The following MUC13 variants were observed in gnomAD, a reference collection of about 807,000 sequenced individuals.
The protein encoded by MUC13 is mucin-13.
A neutral mutation model predicts 48.3 loss-of-function variants in MUC13; 32 were observed. The observed-to-expected ratio is 0.66, with a 90% CI of 0.50 to 0.89. The LOEUF is 0.89. Among genes scored for constraint, MUC13 ranks in the 40% least tolerant of loss-of-function variants. MUC13 has a pLI of 0.00. For synonymous variants in MUC13, 199 were observed against 224.9 expected, an observed-to-expected ratio of 0.88 and a Z score of 1.03; for missense variants, 571 against 622.8, an observed-to-expected ratio of 0.92 and a Z score of 0.88.
chr3:124,913,645 G>A lies in MUC13; in HGVS notation c.1001C>T (p.Thr334Ile). The A allele has an allele frequency of 6.2e-7, 1 of 1,614,174 alleles. No individual in the cohort carries two copies. Among genetic ancestry groups the A allele is most frequent in the Non-Finnish European group, 8.5e-7 (1 of 1,180,000 alleles). Reference sequence around the variant, plus strand: ...TAAACCATTGAGGCAGTCATCCGCAGTCTGGTTACAGCCATAATAATCACA... The same window carrying A: ...TAAACCATTGAGGCAGTCATCCGCAATCTGGTTACAGCCATAATAATCACA... ...LRCDYYGCNQ[T>I]ADDCLNGLAC... The change falls in exon 7 of 12, where the codon ACT becomes ATT. Residue 334 changes from threonine (T) to isoleucine (I), a missense_variant. Thr to Ile is a moderately conservative substitution (Grantham distance 89, BLOSUM62 -1). Transcript: ENST00000616727.
intron 1 of MUC13, among the ~76,000 whole-genome samples, chr3:124,931,237 C>T (rs1042641905): frequency 6.6e-6 from 1 of 150,592 alleles, no homozygotes; most frequent in African/African-American, 2.4e-5. Flanking sequence ...TTGTGACCAT[C>T]CTGGCCAACA....
Position 124,916,303 on chromosome 3 carries a change from T to G in MUC13, c.964+14A>C. The G allele has an allele frequency of 6.3e-7, 1 of 1,597,494 alleles. No individual in the cohort carries two copies. Among genetic ancestry groups the G allele is most frequent in the Non-Finnish European group, 8.5e-7 (1 of 1,171,204 alleles). On this transcript the variant is annotated intron_variant, in intron 6 of 11. Transcript: ENST00000616727. ...TCTTCAGGTGAACTTTGAATAAAAT[T>G]ATACAATACTTACAATCATAGTTTA...
chr3:124,933,710 A>T (rs57016322), intron 1 of MUC13, among the ~76,000 whole-genome samples: 24,336 of 152,146 alleles, frequency 0.16, 2,079 homozygotes, highest in Middle Eastern at 0.27. Context: ...TCTATACCTC[A>T]TCAGGAAGTT....
intron 10 of MUC13, among the ~76,000 whole-genome samples, chr3:124,908,847 A>C (rs1363011395): frequency 6.6e-6 from 1 of 152,256 alleles, no homozygotes; most frequent in Admixed American, 6.5e-5. Flanking sequence ...AAAATGAGTA[A>C]AACAAGTTCA....
rs1274361304 is a variant in MUC13 at position 124,920,260 on chromosome 3, A to G, written c.774T>C (p.Tyr258=). The change falls in exon 5 of 12, where the codon TAT becomes TAC. Residue 258 remains tyrosine (Y), a synonymous_variant. Coordinates refer to ENST00000616727, the MANE Select transcript of MUC13 (RefSeq NM_033049.4). Reference sequence around the variant, plus strand: ...TTACAGTAAGAATTACAGTCTGTCCATAAACAGATGTGCCAAATACATCTT... The same window carrying G: ...TTACAGTAAGAATTACAGTCTGTCCGTAAACAGATGTGCCAAATACATCTT... ...LFKDVFGTSV[Y]GQTVILTVST... The G allele has an allele frequency of 3.1e-6, 5 of 1,607,244 alleles. No individual in the cohort carries two copies. The highest frequency in any genetic ancestry group is 4.3e-6 in the Non-Finnish European group (5 of 1,176,064).
chr3:124,934,627 A>G, intron 1 of MUC13, 34 bp downstream of exon 1: 1 of 1,481,712 alleles, frequency 6.7e-7, no homozygotes, highest in Non-Finnish European at 9.4e-7. Flanking sequence ...AACATACATG[A>G]TTGGAAGAAT....
chr3:124,917,872 C>A (rs969649208), intron 5 of MUC13, among the ~76,000 whole-genome samples: 1 of 152,004 alleles, frequency 6.6e-6, no homozygotes, highest in Non-Finnish European at 1.5e-5. Flanking sequence ...TGCACTGGGA[C>A]TAGGAAAGCA....
chr3:124,908,952 G>A (rs1056157385), intron 10 of MUC13, among the ~76,000 whole-genome samples: 2 of 152,134 alleles, frequency 1.3e-5, no homozygotes, highest in African/African-American at 4.8e-5. Context: ...CCAGGAGTTC[G>A]AGACCAGCCT....
chr3:124,923,971 C>T (rs1233828777), intron 2 of MUC13, among the ~76,000 whole-genome samples: 1 of 152,116 alleles, frequency 6.6e-6, no homozygotes, highest in East Asian at 1.9e-4. Flanking sequence ...TCTCAAAGTC[C>T]CTCCAGAACC....
chr3:124,933,791 A>C (rs184587676), intron 1 of MUC13, among the ~76,000 whole-genome samples: 1 of 152,118 alleles, frequency 6.6e-6, no homozygotes, highest in Non-Finnish European at 1.5e-5. Flanking sequence ...CTATTAGTCC[A>C]TCTACTTCAT....
chr3:124,920,140 A>G, intron 5 of MUC13, 94 bp downstream of exon 5: 1 of 1,050,798 alleles, frequency 9.5e-7, no homozygotes, highest in Middle Eastern at 2.0e-4. Context: ...GTGACTTGCC[A>G]CAGAGGGCCT....
At chr3:124,912,267 T>G (rs1450702894) in intron 8 of MUC13, 126 bp from the exon 9 acceptor site, 8 of 1,404,158 alleles carry the variant, frequency 5.7e-6, no homozygotes, top group Non-Finnish European at 7.7e-6. Flanking sequence ...CTTGCTTTTT[T>G]TCCTCTTTCT....
Position 124,928,000 on chromosome 3 carries a change from G to T in MUC13, c.53-7C>A. ...GAGTTGCCTTGGTTGGTGGCTGGAG[G>T]AACAAAGATACCAAGTTTGAGGAGA... On this transcript the variant is annotated splice_polypyrimidine_tract_variant and splice_region_variant and intron_variant, in intron 1 of 11. Transcript: ENST00000616727. 6.5e-7 allele frequency: 1 copy of T among 1,528,424 alleles called. No homozygotes were observed. Among genetic ancestry groups the T allele is most frequent in the East Asian group, 2.3e-5 (1 of 44,292 alleles). The allele number at this position is 1,528,424 out of a possible 1,614,324, so 94.7% of individuals were successfully genotyped here. A position where few individuals can be genotyped will look rare whatever the true frequency, so the allele number is the denominator to read the frequency against.
chr3:124,907,971 A>G (rs1171600887), intron 11 of MUC13, among the ~76,000 whole-genome samples, 176 bp downstream of exon 11: 1 of 152,230 alleles, frequency 6.6e-6, no homozygotes, highest in Admixed American at 6.5e-5. Context: ...ATAGATGCTC[A>G]GAGTTACGAC....
At chr3:124,909,165 G>C (rs543955197) in intron 10 of MUC13, among the ~76,000 whole-genome samples, 1 of 150,152 alleles carries the variant, frequency 6.7e-6, no homozygotes, top group South Asian at 2.1e-4. Context: ...AAAAAAAAAA[G>C]AGAAAAAACA....
chr3:124,928,574 T>C (rs775993333), intron 1 of MUC13, among the ~76,000 whole-genome samples: 1 of 151,982 alleles, frequency 6.6e-6, no homozygotes, highest in Non-Finnish European at 1.5e-5. Flanking sequence ...GAGATGAGGG[T>C]CTCACTATGC....
At chr3:124,919,856 G>C (rs1487007167) in intron 5 of MUC13, among the ~76,000 whole-genome samples, 1 of 152,154 alleles carries the variant, frequency 6.6e-6, no homozygotes, top group African/African-American at 2.4e-5. Flanking sequence ...GGGAAGAGAT[G>C]ATCACGGGCC....
chr3:124,919,603 G>C (rs1370652340), intron 5 of MUC13, among the ~76,000 whole-genome samples: 6 of 152,140 alleles, frequency 3.9e-5, no homozygotes, highest in African/African-American at 9.7e-5. Flanking sequence ...ATCTGTCTTA[G>C]AGCATTCTTT....
At chr3:124,932,491 G>A (rs1172599682) in intron 1 of MUC13, among the ~76,000 whole-genome samples, 1 of 151,928 alleles carries the variant, frequency 6.6e-6, no homozygotes, top group Non-Finnish European at 1.5e-5. Context: ...GCTTGAACCT[G>A]GGAGGCGGAG....
Sources: allele counts gnomAD v4.1 joint callset (sites outside exome capture counted in the v4.1 genomes callset), GRCh38; gene constraint gnomAD v4.1.1; transcripts MANE v1.5; gene names NCBI Gene and HGNC (gene_info 2026-07-23, HGNC 2026-07-21).